Variants in ZNF784 observed in about 807,000 individuals in gnomAD.
ZNF784 encodes zinc finger protein 784.
Under a neutral mutation model 3.3 loss-of-function variants are expected in ZNF784, and 5 were observed. The ratio of observed to expected loss-of-function variants is 1.53; its 90% CI spans 0.80 to 3.22. ZNF784 has a LOEUF of 3.22. Ranked by LOEUF, ZNF784 falls within the 30% of genes most tolerant of loss-of-function variation. The pLI, the probability that ZNF784 is intolerant of heterozygous loss-of-function variation, is 0.00. For synonymous variants in ZNF784, 231 were observed against 219.6 expected (o/e 1.05, Z -0.46); for missense variants, 501 against 480.7 (o/e 1.04, Z -0.39).
intron 1 of ZNF784, among the ~76,000 whole-genome samples, chr19:55,624,248 GC>G (rs1317641496): frequency 2.8e-5 from 4 of 141,304 alleles, no homozygotes; most frequent in Admixed American, 7.1e-5. Context: ...CTCAGACTCC[GC>G]CCCCATCCAG....
chr19:55,624,518 G>T lies in ZNF784; in HGVS notation c.44C>A (p.Thr15Asn). The T allele has an allele frequency of 6.2e-7, 1 of 1,604,676 alleles. No individual in the cohort carries two copies. The highest frequency in any genetic ancestry group is 8.5e-7 in the Non-Finnish European group (1 of 1,176,778). The change falls in exon 1 of 2, where the codon ACT becomes AAT. Residue 15 changes from threonine to asparagine, a missense_variant. Thr to Asn is a moderately conservative substitution (Grantham distance 65). Coordinates refer to ENST00000325351, the MANE Select transcript of ZNF784 (RefSeq NM_203374.2). ...RPEAQSRSSP[T>N]PESRSQEPLD... ...TGGCTCCTGGGATCGCGACTCCGGAGTCGGTGAGCTCCGACTCTGGGCCTC... is the reference window on the plus strand; with the variant it reads ...TGGCTCCTGGGATCGCGACTCCGGATTCGGTGAGCTCCGACTCTGGGCCTC...
chr19:55,623,393 A>C (rs1057229329), intron 1 of ZNF784, among the ~76,000 whole-genome samples: 3 of 152,072 alleles, frequency 2.0e-5, no homozygotes, highest in Non-Finnish European at 4.4e-5. Flanking sequence ...AAAATATATC[A>C]TGGATCCCAC....
chr19:55,622,125 A>G lies in ZNF784; in HGVS notation c.598T>C (p.Phe200Leu), dbSNP rs1018314609. Residue 200 changes from phenylalanine (F) to leucine (L), a missense_variant, in exon 2 of 2, where the codon TTC becomes CTC. By Grantham distance (22) the Phe-to-Leu change is conservative. Coordinates refer to ENST00000325351, the MANE Select transcript of ZNF784 (RefSeq NM_203374.2). This position sits in a 1 kb window ranked among gnomAD's most constrained non-coding sequence, Gnocchi z 5.9. ...AAVGKPFACR[F>L]CAKPFRRSSD... Reference sequence around the variant, plus strand: ...GAGCGGCGGAAGGGCTTGGCGCAGAACCTGCAGGCAAAAGGCTTCCCCACC... The same window carrying G: ...GAGCGGCGGAAGGGCTTGGCGCAGAGCCTGCAGGCAAAAGGCTTCCCCACC... 1.7e-5 allele frequency: 27 copies of G among 1,547,250 alleles called. No homozygotes were observed. The highest frequency in any genetic ancestry group is 2.4e-5 in the East Asian group (1 of 41,950).
chr19:55,624,562 C>A lies in ZNF784; in HGVS notation c.-1G>T. ...GGGCCTCTGGGCGCGCAGCGGCCAT[C>A]TTGTGCCCAAGCCCCGCCCCCAAGG... On this transcript the variant is annotated 5_prime_UTR_variant, in exon 1 of 2. Transcript: ENST00000325351. The A allele has an allele frequency of 6.3e-7, 1 of 1,586,124 alleles. No homozygotes were observed. The highest frequency in any genetic ancestry group is 1.1e-5 in the South Asian group (1 of 87,126).
rs1317758670 is a variant in ZNF784, at chr19:55,622,136, A to G, written c.587T>C (p.Phe196Ser). The change falls in exon 2 of 2, where the codon TTT (phenylalanine) becomes TCT (serine). Residue 196 changes from phenylalanine to serine, a missense_variant. Physicochemically the swap from Phe to Ser is radical, Grantham distance 155. Coordinates refer to ENST00000325351, the MANE Select transcript of ZNF784 (RefSeq NM_203374.2). This position sits in a 1 kb window ranked among gnomAD's most constrained non-coding sequence, Gnocchi z 5.9. The part of the protein sequence containing the change: ...AAAGAAVGKP[F>S]ACRFCAKPFR... Reference sequence around the variant, plus strand: ...GGGCTTGGCGCAGAACCTGCAGGCAAAAGGCTTCCCCACCGCTGCGCCCGC... The same window carrying G: ...GGGCTTGGCGCAGAACCTGCAGGCAGAAGGCTTCCCCACCGCTGCGCCCGC... 1 of 1,541,598 alleles carries G rather than the reference A, an allele frequency of 6.5e-7. No homozygotes were observed. Among genetic ancestry groups the G allele is most frequent in the South Asian group, 1.2e-5 (1 of 84,544 alleles).
chr19:55,621,997 G>T lies in ZNF784; in HGVS notation c.726C>A (p.His242Gln). ...GFTQSSVLSG[H>Q]ARIHTGERPF... is the part of the protein sequence containing the mutation. Reference sequence around the variant, plus strand: ...GGCGCTCGCCAGTGTGGATGCGGGCGTGGCCGCTAAGCACCGAGGACTGGG... The same window carrying T: ...GGCGCTCGCCAGTGTGGATGCGGGCTTGGCCGCTAAGCACCGAGGACTGGG... Residue 242 changes from histidine to glutamine, a missense_variant, in exon 2 of 2, where the codon CAC becomes CAA. His to Gln is a conservative substitution (Grantham distance 24, BLOSUM62 0). Coordinates refer to ENST00000325351, the MANE Select transcript of ZNF784 (RefSeq NM_203374.2). The surrounding 1 kb of genome is among the most constrained non-coding windows in gnomAD (Gnocchi z 4.1). The T allele has an allele frequency of 1.3e-6, 2 of 1,594,406 alleles. No homozygotes were observed. Among genetic ancestry groups the T allele is most frequent in the Non-Finnish European group, 1.7e-6 (2 of 1,178,044 alleles).
In ZNF784 at chr19:55,621,726, C is replaced by T; in HGVS notation, c.*25G>A. 6.3e-7 allele frequency: 1 copy of T among 1,577,622 alleles called. No individual in the cohort carries two copies. The highest frequency in any genetic ancestry group is 1.3e-5 in the African/African-American group (1 of 74,292). On this transcript the variant is annotated 3_prime_UTR_variant, in exon 2 of 2. Transcript: ENST00000325351. This position sits in a 1 kb window ranked among gnomAD's most constrained non-coding sequence, Gnocchi z 4.1. ...GGTCGGCCTCGTACCTCCGCCTTAACTAACCCATGTCCCTGGTCTGCAGCC... is the reference window on the plus strand; with the variant it reads ...GGTCGGCCTCGTACCTCCGCCTTAATTAACCCATGTCCCTGGTCTGCAGCC...
In ZNF784 at chr19:55,624,503, G is replaced by T. The variant is rs757091643; in HGVS notation, c.59C>A (p.Ser20Tyr). 2.2e-5 allele frequency: 35 copies of T among 1,605,068 alleles called. No homozygotes were observed. In the Middle Eastern group the frequency reaches 6.6e-4, roughly 30 times the overall value. The change falls in exon 1 of 2, where the codon TCC (serine) becomes TAC (tyrosine). Residue 20 changes from serine to tyrosine, a missense_variant. By Grantham distance (144) the Ser-to-Tyr change is moderately radical (BLOSUM62 -2). Transcript: ENST00000325351. ...SRSSPTPESR[S>Y]QEPLDLVLVP... ...CCGCACCAGGTCCAGTGGCTCCTGGGATCGCGACTCCGGAGTCGGTGAGCT... is the reference window on the plus strand; with the variant it reads ...CCGCACCAGGTCCAGTGGCTCCTGGTATCGCGACTCCGGAGTCGGTGAGCT...
rs1981592087 is a variant in ZNF784, at chr19:55,622,264, C to T, written c.459G>A (p.Val153=). The T allele has an allele frequency of 6.5e-7, 1 of 1,534,158 alleles. No homozygotes were observed. Among genetic ancestry groups the T allele is most frequent in the Non-Finnish European group, 8.7e-7 (1 of 1,143,930 alleles). Residue 153 remains valine (V), a synonymous_variant, in exon 2 of 2, where the codon GTG becomes GTA. Transcript: ENST00000325351. The surrounding 1 kb of genome is among the most constrained non-coding windows in gnomAD (Gnocchi z 5.9). ...PLLRHQHRHG[V]EPGTSRRPPD... is the part of the protein sequence containing the mutation. The stretch of plus-strand genomic sequence containing the variant: ...GAGGCCTCCGAGAGGTGCCCGGCTC[C>T]ACCCCGTGCCGGTGCTGGTGCCGGA...
rs758528686 is a variant in ZNF784, at chr19:55,621,934, GT to G, written c.788del (p.Asn263ThrfsTer41). ...GCTGGTGCTTGCGGAAGTTGGAGGA[GT>G]TGTTGAAGGTGCGGTCGCAGAGCGT... ...RCTLCDRTFN[N>X]SSNFRKHQRT... On this transcript the variant is annotated frameshift_variant, in exon 2 of 2. Coordinates refer to ENST00000325351, the MANE Select transcript of ZNF784 (RefSeq NM_203374.2). LOFTEE classifies it low-confidence loss of function (END_TRUNC). The surrounding 1 kb of genome is among the most constrained non-coding windows in gnomAD (Gnocchi z 4.1). 6 of 1,596,254 alleles carry G rather than the reference GT, an allele frequency of 3.8e-6. No homozygotes were observed. Among genetic ancestry groups the G allele is most frequent in the Non-Finnish European group, 5.1e-6 (6 of 1,177,300 alleles).
rs772184049 is a variant in ZNF784 at position 55,621,938 on chromosome 19, T to C, written c.785A>G (p.Asn262Ser). 1 of 1,596,482 alleles carries C rather than the reference T, an allele frequency of 6.3e-7. No homozygotes were observed. The highest frequency in any genetic ancestry group is 1.7e-5 in the Admixed American group (1 of 59,050). The change falls in exon 2 of 2, where the codon AAC (asparagine) becomes AGC (serine). Residue 262 changes from asparagine to serine, a missense_variant. Asn to Ser is a conservative substitution (Grantham distance 46, BLOSUM62 1). Transcript: ENST00000325351. The surrounding 1 kb of genome is among the most constrained non-coding windows in gnomAD (Gnocchi z 4.1). ...GTGCTTGCGGAAGTTGGAGGAGTTG[T>C]TGAAGGTGCGGTCGCAGAGCGTGCA... Reference protein sequence around the residue: ...FRCTLCDRTFNNSSNFRKHQR... With the variant: ...FRCTLCDRTFSNSSNFRKHQR...
chr19:55,622,426 G>A lies in ZNF784; in HGVS notation c.297C>T (p.Asp99=). 3 of 1,591,486 alleles carry A rather than the reference G, an allele frequency of 1.9e-6. No homozygotes were observed. Among genetic ancestry groups the A allele is most frequent in the Non-Finnish European group, 2.6e-6 (3 of 1,169,864 alleles). ...AGAEGGGQGG[D]PSRCHVCGHS... ...GGCCGCACACGTGGCACCGGCTCGG[G>A]TCCCCACCCTGCCCGCCTCCCTCGG... The change falls in exon 2 of 2, where the codon GAC becomes GAT. Residue 99 remains aspartate, a synonymous_variant. Transcript: ENST00000325351. This position sits in a 1 kb window ranked among gnomAD's most constrained non-coding sequence, Gnocchi z 5.9.
chr19:55,623,084 G>A (rs1012871356), intron 1 of ZNF784, among the ~76,000 whole-genome samples: 2 of 152,192 alleles, frequency 1.3e-5, no homozygotes, highest in Admixed American at 6.5e-5. Flanking sequence ...ACTAAGACAC[G>A]AGAATCGCTT....
Position 55,621,533 on chromosome 19 carries a change from C to G in ZNF784, c.*218G>C, listed in dbSNP as rs77029730. The G allele has an allele frequency of 1.7e-3, 1,143 of 663,082 alleles. 17 individuals are homozygous for G. The African/African-American group carries it at 0.019, about 11-fold the overall frequency. The allele number at this position is 663,082 out of a possible 1,614,324, so 41.1% of individuals were successfully genotyped here. On this transcript the variant is annotated 3_prime_UTR_variant, in exon 2 of 2. Transcript: ENST00000325351. This position sits in a 1 kb window ranked among gnomAD's most constrained non-coding sequence, Gnocchi z 4.1. Reference sequence around the variant, plus strand: ...CTGCAAGAGCTGCACCTGTCCTCTCCTAGGCCTGGCAGAGGTGCTGTGTGG... The same window carrying G: ...CTGCAAGAGCTGCACCTGTCCTCTCGTAGGCCTGGCAGAGGTGCTGTGTGG...
rs572962580 is a variant in ZNF784 at position 55,622,269 on chromosome 19, C to T, written c.454G>A (p.Gly152Arg). 7 of 1,532,520 alleles carry T rather than the reference C, an allele frequency of 4.6e-6. No individual in the cohort carries two copies. The highest frequency in any genetic ancestry group is 4.1e-5 in the African/African-American group (3 of 72,776). 94.9% of individuals were successfully genotyped at this position (1,532,520 alleles called of 1,614,324 possible). Residue 152 changes from glycine to arginine, a missense_variant, in exon 2 of 2, where the codon GGG becomes AGG. By Grantham distance (125) the Gly-to-Arg change is moderately radical. Coordinates refer to ENST00000325351, the MANE Select transcript of ZNF784 (RefSeq NM_203374.2). The surrounding 1 kb of genome is among the most constrained non-coding windows in gnomAD (Gnocchi z 5.9). ...APLLRHQHRHGVEPGTSRRPP... is the reference protein window; with the variant it reads ...APLLRHQHRHRVEPGTSRRPP... ...CTCCGAGAGGTGCCCGGCTCCACCC[C>T]GTGCCGGTGCTGGTGCCGGAGCAGG...
At chr19:55,624,398 T>G in intron 1 of ZNF784, 86 bp downstream of exon 1, 102 of 220,132 alleles carry the variant, frequency 4.6e-4, no homozygotes, top group Non-Finnish European at 6.8e-4. Flanking sequence ...GCCCACCCCC[T>G]CATAGGCCAC....
At position 55,624,484 on chromosome 19, in the gene ZNF784, C is replaced by A; in HGVS notation, c.78G>T (p.Leu26=). 6.2e-7 allele frequency: 1 copy of A among 1,604,380 alleles called. No individual in the cohort carries two copies. The highest frequency in any genetic ancestry group is 1.7e-5 in the Admixed American group (1 of 59,272). ...PESRSQEPLD[L]VLVPDDCRPG... is the part of the protein sequence containing the mutation. ...GCCCAGGCCCCTTCCTTGCCCGCAC[C>A]AGGTCCAGTGGCTCCTGGGATCGCG... Residue 26 remains leucine, a splice_region_variant and synonymous_variant, in exon 1 of 2, where the codon CTG becomes CTT. Coordinates refer to ENST00000325351, the MANE Select transcript of ZNF784 (RefSeq NM_203374.2).
Position 55,621,779 on chromosome 19 carries a change from G to A in ZNF784, c.944C>T (p.Ala315Val), listed in dbSNP as rs1479628506. ...CTGGTCGGCCTCCACCTTCACCTTC[G>A]CGGTCTCCCCCCGCCCCTCCTCCGC... ...DPAEEGRGET[A>V]KVKVEADQ The change falls in exon 2 of 2, where the codon GCG becomes GTG. Residue 315 changes from alanine (A) to valine (V), a missense_variant. By Grantham distance (64) the Ala-to-Val change is moderately conservative (BLOSUM62 0). Transcript: ENST00000325351. This position sits in a 1 kb window ranked among gnomAD's most constrained non-coding sequence, Gnocchi z 4.1. The A allele has an allele frequency of 1.9e-6, 3 of 1,596,408 alleles. No homozygotes were observed. The highest frequency in any genetic ancestry group is 1.1e-5 in the South Asian group (1 of 90,868).
At chr19:55,623,419 C>T (rs930691378) in intron 1 of ZNF784, among the ~76,000 whole-genome samples, 31 of 152,332 alleles carry the variant, frequency 2.0e-4, no homozygotes, top group African/African-American at 6.7e-4. Flanking sequence ...GTCCTCCACC[C>T]TAGTTAAAGC....
Sources: allele counts gnomAD v4.1 joint callset (sites outside exome capture counted in the v4.1 genomes callset), GRCh38; gene constraint gnomAD v4.1.1; non-coding constraint Gnocchi (gnomAD v3.1); transcripts MANE v1.5; gene names NCBI Gene and HGNC (gene_info 2026-07-23, HGNC 2026-07-21).